SRP68: variants seen among roughly 807,000 people sequenced by gnomAD.
SRP68 encodes signal recognition particle subunit SRP68.
In SRP68, 15 loss-of-function variants were observed where a neutral mutation model predicts 82.2. That is an observed-to-expected ratio of 0.18 (90% CI 0.12 to 0.28). The LOEUF is 0.28. Among genes scored for constraint, SRP68 ranks in the 10% least tolerant of loss-of-function variants. The probability of loss-of-function intolerance (pLI) is 1.00; values close to 1 mark genes in which losing one functional copy is unlikely to be tolerated. For missense variants in SRP68, 595 were observed against 780.5 expected (o/e 0.76, Z 2.83); for synonymous variants, 261 against 292.6 (o/e 0.89, Z 1.10).
rs1276004443 is a variant in SRP68 at position 76,062,725 on chromosome 17, TATTTTATATATATATATA to T, written c.562-1169_562-1152del. Among the ~76,000 whole-genome samples the T allele has an allele frequency of 2.0e-4, 5 of 25,580 alleles. 1 individual carries two copies. Among genetic ancestry groups the T allele is most frequent in the African/African-American group, 1.3e-3 (5 of 3,934 alleles). The allele number at this position is 25,580 out of a possible 152,430, so 16.8% of individuals were successfully genotyped here. On this transcript the variant is annotated intron_variant, in intron 4 of 15. Transcript: ENST00000307877. ...TGTATATTATACAATATATTATATTTATTTTATATATATATATATATATATATATATATATATATAAAA... is the reference window on the plus strand; with the variant it reads ...TGTATATTATACAATATATTATATTTTATATATATATATATATATATAAAA...
At chr17:76,064,242 C>T in intron 3 of SRP68, 71 bp from the exon 4 acceptor site, 7 of 1,407,520 alleles carry the variant, frequency 5.0e-6, no homozygotes, top group Non-Finnish European at 6.8e-6. Flanking sequence ...GAGGTGTAAT[C>T]TTCGGCTTCT....
At chr17:76,059,653 A>G (rs1246788092) in intron 7 of SRP68, among the ~76,000 whole-genome samples, 2 of 152,076 alleles carry the variant, frequency 1.3e-5, no homozygotes, top group East Asian at 3.9e-4. Flanking sequence ...GAGGTTAAAC[A>G]ATTGAATACT....
chr17:76,046,263 A>C, intron 10 of SRP68, 69 bp from the exon 11 acceptor site: 2 of 1,569,122 alleles, frequency 1.3e-6, no homozygotes, highest in Non-Finnish European at 1.7e-6. Flanking sequence ...ACTGGACTAC[A>C]AGTTGGGGCT....
Position 76,072,480 on chromosome 17 carries a change from C to T in SRP68, c.12G>A (p.Glu4=), listed in dbSNP as rs982853222. ...CGCCGCCGCCGCCTGGGACCTGCTT[C>T]TCAGCAGCCATCTTGCCCCTGCGCC... The part of the protein sequence containing the change: MAA[E]KQVPGGGGGG... The change falls in exon 1 of 16, where the codon GAG becomes GAA. Residue 4 remains glutamate (E), a synonymous_variant. Transcript: ENST00000307877. This position sits in a 1 kb window ranked among gnomAD's most constrained non-coding sequence, Gnocchi z 4.5. 1.9e-6 allele frequency: 3 copies of T among 1,583,014 alleles called. No individual in the cohort carries two copies. The highest frequency in any genetic ancestry group is 1.4e-5 in the African/African-American group (1 of 73,958).
Position 76,057,510 on chromosome 17 carries a change from C to T in SRP68, c.871G>A (p.Ala291Thr), listed in dbSNP as rs759881233. ...LITQTRAKQA[A>T]TMSEVEWRGR... Reference sequence around the variant, plus strand: ...CTCCACTCCACTTCACTCATGGTAGCTGCCTGTTTGGCTCGAGTCTGAGTG... The same window carrying T: ...CTCCACTCCACTTCACTCATGGTAGTTGCCTGTTTGGCTCGAGTCTGAGTG... The change falls in exon 8 of 16, where the codon GCT becomes ACT. Residue 291 changes from alanine (A) to threonine (T), a missense_variant. This residue lies in a region of SRP68 where 495 missense variants were observed against 688.6 expected (regional missense o/e 0.72). Coordinates refer to ENST00000307877, the MANE Select transcript of SRP68 (RefSeq NM_014230.4). The T allele has an allele frequency of 3.7e-6, 6 of 1,614,062 alleles. No individual in the cohort carries two copies. In the East Asian group the frequency reaches 1.3e-4, roughly 36 times the overall value.
chr17:76,050,996 A>T (rs2066668398), intron 8 of SRP68, among the ~76,000 whole-genome samples: 1 of 152,134 alleles, frequency 6.6e-6, no homozygotes, highest in African/African-American at 2.4e-5. Flanking sequence ...CAACACAATT[A>T]CCTTTTACAA....
intron 1 of SRP68, among the ~76,000 whole-genome samples, chr17:76,070,702 C>T (rs1191791953): frequency 6.6e-6 from 1 of 151,910 alleles, no homozygotes; most frequent in Non-Finnish European, 1.5e-5. Context: ...ATTAGCCGGG[C>T]GCAATGGCTA....
At chr17:76,057,981 A>AT (rs1449859284) in intron 7 of SRP68, among the ~76,000 whole-genome samples, 1 of 140,908 alleles carries the variant, frequency 7.1e-6, no homozygotes, top group Non-Finnish European at 1.6e-5. Flanking sequence ...GGCCTCTTTA[A>AT]TTTTTTTAGT....
chr17:76,054,028 G>A (rs1295139392), intron 8 of SRP68, among the ~76,000 whole-genome samples: 2 of 152,172 alleles, frequency 1.3e-5, no homozygotes, highest in African/African-American at 4.8e-5. Context: ...CTTTTCCCAG[G>A]TGTGCCTATG....
chr17:76,043,197 G>A (rs1170892752), intron 13 of SRP68, among the ~76,000 whole-genome samples: 2 of 152,094 alleles, frequency 1.3e-5, no homozygotes, highest in African/African-American at 2.4e-5. Flanking sequence ...CCAGGAGTTC[G>A]AGGCTGCAGT....
chr17:76,071,968 C>T lies in SRP68; in HGVS notation c.184+340G>A. On this transcript the variant is annotated intron_variant, in intron 1 of 15. Coordinates refer to ENST00000307877, the MANE Select transcript of SRP68 (RefSeq NM_014230.4). The surrounding 1 kb of genome is among the most constrained non-coding windows in gnomAD (Gnocchi z 4.7). ...ATGTCAAGACTGCAGTTTCCTCTCC[C>T]CAGTTCAGTGGCTCAAGGTGCCAAA... 4.7e-6 allele frequency: 2 copies of T among 421,916 alleles called. No homozygotes were observed. The highest frequency in any genetic ancestry group is 8.5e-6 in the Non-Finnish European group (2 of 235,596). 26.1% of individuals were successfully genotyped at this position (421,916 alleles called of 1,614,324 possible).
intron 8 of SRP68, among the ~76,000 whole-genome samples, chr17:76,052,958 A>G (rs2066685634): frequency 6.7e-6 from 1 of 150,068 alleles, no homozygotes; most frequent in South Asian, 2.1e-4. Flanking sequence ...ACTTGGCACC[A>G]CTACTTAAGA....
At chr17:76,056,215 T>C (rs1407297986) in intron 8 of SRP68, among the ~76,000 whole-genome samples, 1 of 152,186 alleles carries the variant, frequency 6.6e-6, no homozygotes, top group Non-Finnish European at 1.5e-5. Context: ...CTTGCCCCTA[T>C]GGATCTCTCT....
In SRP68 at chr17:76,060,340, C is replaced by T; in HGVS notation, c.805G>A (p.Gly269Ser). 1 of 1,610,938 alleles carries T rather than the reference C, an allele frequency of 6.2e-7. No homozygotes were observed. Among genetic ancestry groups the T allele is most frequent in the East Asian group, 2.2e-5 (1 of 44,776 alleles). Residue 269 changes from glycine (G) to serine (S), a missense_variant, in exon 7 of 16, where the codon GGC becomes AGC. Physicochemically the swap from Gly to Ser is moderately conservative, Grantham distance 56. Transcript: ENST00000307877. The part of the protein sequence containing the change: ...ELMQMRLRSG[G>S]TEGLLAEKLE... ...TTTTCAGCCAAGAGACCCTCAGTGC[C>T]CCCAGACCTCAATCTCATCTGCATG... is the stretch of plus-strand genomic sequence containing the variant.
intron 2 of SRP68, 85 bp from the exon 3 acceptor site, chr17:76,067,415 T>G: frequency 1.1e-6 from 1 of 922,590 alleles, no homozygotes; most frequent in Non-Finnish European, 1.7e-6. Context: ...AGGTCAAGGG[T>G]CAATGGTTTG....
intron 3 of SRP68, among the ~76,000 whole-genome samples, chr17:76,064,907 G>A (rs1383547764): frequency 1.3e-5 from 2 of 151,634 alleles, no homozygotes; most frequent in African/African-American, 4.9e-5. Context: ...CAGAGCCCGG[G>A]ACAGAATCCC....
chr17:76,064,317 A>G (rs1469773188), intron 3 of SRP68, 146 bp from the exon 4 acceptor site: 1 of 684,152 alleles, frequency 1.5e-6, no homozygotes, highest in East Asian at 2.7e-5. Flanking sequence ...ATTCTCAGCC[A>G]TGACTCTAAA....
At position 76,046,074 on chromosome 17, in the gene SRP68, G is replaced by A. The variant is rs1567927141; in HGVS notation, c.1263C>T (p.Pro421=). ...PEDDSKRSPR[P]QDLIRLYDII... is the part of the protein sequence containing the mutation. ...TGTCATAGAGTCGGATCAGGTCCTG[G>A]GGCCGGGGTGAGCGCTTGCTGTCAT... Residue 421 remains proline, a synonymous_variant, in exon 11 of 16, where the codon CCC becomes CCT. Transcript: ENST00000307877. 1 of 1,613,934 alleles carries A rather than the reference G, an allele frequency of 6.2e-7. No homozygotes were observed. Among genetic ancestry groups the A allele is most frequent in the Admixed American group, 1.7e-5 (1 of 60,014 alleles).
In SRP68 at chr17:76,071,416, TCAACA is replaced by T. The variant is rs2066852033; in HGVS notation, c.184+887_184+891del. On this transcript the variant is annotated intron_variant, in intron 1 of 15. Coordinates refer to ENST00000307877, the MANE Select transcript of SRP68 (RefSeq NM_014230.4). The surrounding 1 kb of genome is among the most constrained non-coding windows in gnomAD (Gnocchi z 4.7). ...ATATAGGTATAGTTTTAATGTTTCC[TCAACA>T]CTTCTCTAGAGACATATTTTAAAAT... is the stretch of plus-strand genomic sequence containing the variant. Among the ~76,000 whole-genome samples the T allele has an allele frequency of 6.6e-6, 1 of 152,204 alleles. No individual in the cohort carries two copies. The highest frequency in any genetic ancestry group is 1.5e-5 in the Non-Finnish European group (1 of 68,036).
Sources: allele counts gnomAD v4.1 joint callset (sites outside exome capture counted in the v4.1 genomes callset), GRCh38; gene constraint gnomAD v4.1.1; regional missense constraint gnomAD v4.1.1; non-coding constraint Gnocchi (gnomAD v3.1); transcripts MANE v1.5; gene names NCBI Gene and HGNC (gene_info 2026-07-23, HGNC 2026-07-21).